Variants in PPP1R37 observed in about 807,000 individuals in gnomAD.
The protein encoded by PPP1R37 is leucine rich repeat containing 68.
PPP1R37 carries 21 observed loss-of-function variants against 61.0 expected under a neutral mutation model. The ratio of observed to expected loss-of-function variants is 0.34; its 90% CI spans 0.24 to 0.50. The LOEUF is 0.50. Among genes scored for constraint, PPP1R37 ranks in the 20% least tolerant of loss-of-function variants. PPP1R37 has a pLI of 0.98. For synonymous variants in PPP1R37, 443 were observed against 433.5 expected (o/e 1.02, Z -0.27); for missense variants, 910 against 952.7 (o/e 0.96, Z 0.59).
chr19:45,110,755 G>A (rs1175731097), intron 1 of PPP1R37, among the ~76,000 whole-genome samples: 3 of 152,190 alleles, frequency 2.0e-5, no homozygotes, highest in African/African-American at 7.2e-5. Flanking sequence ...GTGAGGGTGG[G>A]CAGTAAGAAA....
At chr19:45,142,005 G>A (rs1488611500) in intron 5 of PPP1R37, 56 bp from the exon 6 acceptor site, 1 of 1,437,268 alleles carries the variant, frequency 7.0e-7, no homozygotes, top group Non-Finnish European at 9.1e-7. Flanking sequence ...CTGGGGCCAG[G>A]GAGTGCTGGG....
chr19:45,094,685 G>A (rs954718391), intron 1 of PPP1R37, among the ~76,000 whole-genome samples: 3 of 151,038 alleles, frequency 2.0e-5, no homozygotes, highest in Non-Finnish European at 2.9e-5. Context: ...CTAAGATCAC[G>A]ACATTGTACT....
intron 1 of PPP1R37, among the ~76,000 whole-genome samples, chr19:45,098,665 C>A (rs1968024167): frequency 6.6e-6 from 1 of 152,110 alleles, no homozygotes; most frequent in Non-Finnish European, 1.5e-5. Context: ...TTCTTAAATG[C>A]GGATCTTAGG....
intron 1 of PPP1R37, among the ~76,000 whole-genome samples, chr19:45,110,982 C>T (rs1968192835): frequency 6.6e-6 from 1 of 152,130 alleles, no homozygotes; most frequent in South Asian, 2.1e-4. Flanking sequence ...CCTCAGAGGC[C>T]CCCTTTCCCG....
intron 1 of PPP1R37, among the ~76,000 whole-genome samples, chr19:45,132,430 C>A (rs1423751752): frequency 6.6e-6 from 1 of 152,046 alleles, no homozygotes; most frequent in Non-Finnish European, 1.5e-5. Context: ...CTCAGCCTCC[C>A]AAGTCACTGC....
At chr19:45,127,424 A>G (rs1363126833) in intron 1 of PPP1R37, among the ~76,000 whole-genome samples, 4 of 150,818 alleles carry the variant, frequency 2.7e-5, no homozygotes, top group Admixed American at 6.6e-5. Context: ...GGAATAGTCT[A>G]GTGCTCTTGG....
At chr19:45,120,305 C>T (rs1968326163) in intron 1 of PPP1R37, among the ~76,000 whole-genome samples, 1 of 152,198 alleles carries the variant, frequency 6.6e-6, no homozygotes, top group Admixed American at 6.5e-5. Context: ...GCGTGAGCCA[C>T]CGCACCCGGC....
intron 11 of PPP1R37, 108 bp downstream of exon 11, chr19:45,146,157 C>A: frequency 8.0e-7 from 1 of 1,253,308 alleles, no homozygotes; most frequent in Non-Finnish European, 1.1e-6. Flanking sequence ...TAAAATGGTT[C>A]TCGCAGGGGC....
chr19:45,132,586 C>T (rs1283317274), intron 1 of PPP1R37, among the ~76,000 whole-genome samples: 1 of 152,160 alleles, frequency 6.6e-6, no homozygotes, highest in African/African-American at 2.4e-5. Context: ...CAGGCACACA[C>T]TACCACGCCT....
At position 45,140,297 on chromosome 19, in the gene PPP1R37, G is replaced by A; in HGVS notation, c.346+16G>A. On this transcript the variant is annotated intron_variant, in intron 3 of 12. Transcript: ENST00000221462. ...GACCTGAAAGGTGTGTGTCTGGCTA[G>A]GGGTTGAGAGCCCTTGGGTCATGGG... 6.5e-7 allele frequency: 1 copy of A among 1,535,616 alleles called. No homozygotes were observed. The highest frequency in any genetic ancestry group is 8.7e-7 in the Non-Finnish European group (1 of 1,146,424).
Position 45,130,427 on chromosome 19 carries a change from C to T in PPP1R37, c.203-8087C>T, listed in dbSNP as rs76419603. Among the ~76,000 whole-genome samples the T allele has an allele frequency of 0.015, 2,217 of 152,256 alleles. 56 individuals are homozygous for T. The highest frequency in any genetic ancestry group is 0.051 in the African/African-American group (2,127 of 41,542). On this transcript the variant is annotated intron_variant, in intron 1 of 12. Coordinates refer to ENST00000221462, the MANE Select transcript of PPP1R37 (RefSeq NM_019121.2). This position sits in a 1 kb window ranked among gnomAD's most constrained non-coding sequence, Gnocchi z 4.4. ...CACATCATCCCCAGTGCTCCCCTCC[C>T]GGTGTGCTTTGGCGCCGAGCCTGCT...
chr19:45,093,604 C>T (rs1337646429), intron 1 of PPP1R37, 77 bp downstream of exon 1: 6 of 1,152,122 alleles, frequency 5.2e-6, no homozygotes, highest in Non-Finnish European at 7.3e-6. Flanking sequence ...GGGCCCGGCT[C>T]GAGGTGGCGT....
At chr19:45,124,141 A>G (rs897319319) in intron 1 of PPP1R37, among the ~76,000 whole-genome samples, 1 of 152,188 alleles carries the variant, frequency 6.6e-6, no homozygotes, top group Non-Finnish European at 1.5e-5. Flanking sequence ...GATGGTGACA[A>G]CTCAGAGGGG....
chr19:45,117,275 G>A (rs985428810), intron 1 of PPP1R37, among the ~76,000 whole-genome samples: 17 of 152,138 alleles, frequency 1.1e-4, no homozygotes, highest in Non-Finnish European at 2.2e-4. Flanking sequence ...CTGCAGGAGG[G>A]GAGGGAAGCT....
rs1043710665 is a variant in PPP1R37 at position 45,142,297 on chromosome 19, C to A, written c.719-6C>A. ...CCCAGTCACCGTGCCCCCTCCCCGT[C>A]CCCAGCCACGGCCCTGAAGATGAAC... On this transcript the variant is annotated splice_polypyrimidine_tract_variant and splice_region_variant and intron_variant, in intron 6 of 12. Transcript: ENST00000221462. The A allele has an allele frequency of 6.5e-7, 1 of 1,535,842 alleles. No individual in the cohort carries two copies. Among genetic ancestry groups the A allele is most frequent in the Non-Finnish European group, 8.7e-7 (1 of 1,146,748 alleles).
chr19:45,143,854 C>T (rs1051184269), intron 8 of PPP1R37: 39 of 397,118 alleles, frequency 9.8e-5, no homozygotes, highest in African/African-American at 5.7e-4. Context: ...TTTTTGAGAC[C>T]GAGTCTCATC....
chr19:45,102,039 G>T (rs527771646), intron 1 of PPP1R37, among the ~76,000 whole-genome samples: 3 of 152,134 alleles, frequency 2.0e-5, no homozygotes, highest in South Asian at 4.1e-4. Flanking sequence ...CCCAGCCAGC[G>T]TGTCCTTGGC....
chr19:45,106,184 C>T (rs944556681), intron 1 of PPP1R37, among the ~76,000 whole-genome samples: 4 of 152,108 alleles, frequency 2.6e-5, no homozygotes, highest in Non-Finnish European at 4.4e-5. Flanking sequence ...GATGCCCTGG[C>T]ACTTGGGTCC....
rs1322239293 is a variant in PPP1R37, at chr19:45,138,499, C to T, written c.203-15C>T. ...GGTGTGGACAGTCACAGGCCTGGGT[C>T]CCCTGTGCCTGCAGCCCAGAATGTG... On this transcript the variant is annotated splice_polypyrimidine_tract_variant and intron_variant, in intron 1 of 12. Transcript: ENST00000221462. 3 of 1,529,528 alleles carry T rather than the reference C, an allele frequency of 2.0e-6. No homozygotes were observed. The highest frequency in any genetic ancestry group is 1.2e-5 in the South Asian group (1 of 83,820). 94.7% of individuals were successfully genotyped at this position (1,529,528 alleles called of 1,614,324 possible).
Sources: gnomAD v4.1 joint callset for allele counts (sites outside exome capture counted in the v4.1 genomes callset) on GRCh38, gnomAD v4.1.1 for gene constraint, Gnocchi (gnomAD v3.1) non-coding constraint, MANE v1.5 for transcripts, NCBI Gene and HGNC (gene_info 2026-07-23, HGNC 2026-07-21) for gene names.